The following SORL1 variants were observed in gnomAD, a reference collection of about 807,000 sequenced individuals.
SORL1 encodes the protein sortilin-related receptor.
A neutral mutation model predicts 273.7 loss-of-function variants in SORL1; 127 were observed. The ratio of observed to expected loss-of-function variants is 0.46; its 90% CI spans 0.40 to 0.54. SORL1 has a LOEUF of 0.54. SORL1 is among the 20% of genes least tolerant of loss of function. The pLI is 0.00. For synonymous variants in SORL1, 1,031 were observed against 1,067.4 expected, an observed-to-expected ratio of 0.97 and a Z score of 0.66; for missense variants, 2,494 against 2,846.1, an observed-to-expected ratio of 0.88 and a Z score of 2.81.
intron 8 of SORL1, 29 bp from the exon 9 acceptor site, chr11:121,520,628 G>T (rs1433940989): frequency 2.0e-6 from 3 of 1,470,646 alleles, no homozygotes; most frequent in Non-Finnish European, 2.8e-6. Flanking sequence ...ACCAATTCAG[G>T]TTCATAGCTG....
Position 121,629,520 on chromosome 11 carries a change from T to A in SORL1, c.6602T>A (p.Met2201Lys), listed in dbSNP as rs747619410. ...DLGEDDEDAP[M>K]ITGFSDDVPM... ...GGGGAAGATGATGAAGATGCCCCTA[T>A]GATAACTGGATTTTCAGATGACGTC... Residue 2201 changes from methionine to lysine, a missense_variant, in exon 48 of 48, where the codon ATG (methionine) becomes AAG (lysine). Transcript: ENST00000260197. The A allele has an allele frequency of 2.5e-6, 4 of 1,591,292 alleles. No homozygotes were observed. The African/African-American group carries it at 4.0e-5, about 16-fold the overall frequency.
intron 3 of SORL1, among the ~76,000 whole-genome samples, chr11:121,485,796 A>T (rs1444280960): frequency 6.6e-6 from 1 of 152,226 alleles, no homozygotes; most frequent in Admixed American, 6.5e-5. Flanking sequence ...TTAGGATCAT[A>T]ATTGTTTTTT....
intron 30 of SORL1, chr11:121,590,519 T>C (rs1039130862): frequency 5.8e-6 from 3 of 516,852 alleles, no homozygotes; most frequent in African/African-American, 5.7e-5. Context: ...AGAATCTGCA[T>C]GCTAATAAGC....
At chr11:121,621,486 C>T (rs1431875586) in intron 44 of SORL1, among the ~76,000 whole-genome samples, 1 of 152,170 alleles carries the variant, frequency 6.6e-6, no homozygotes, top group Non-Finnish European at 1.5e-5. Context: ...TTTAACTCCC[C>T]TCGCTGGTTT....
intron 8 of SORL1, 150 bp from the exon 9 acceptor site, chr11:121,520,507 C>A: frequency 2.0e-6 from 1 of 508,070 alleles, no homozygotes; most frequent in Non-Finnish European, 3.4e-6. Flanking sequence ...ATGAAATGTT[C>A]TGGAACTAGA....
intron 11 of SORL1, among the ~76,000 whole-genome samples, chr11:121,524,717 T>G (rs943107485): frequency 1.3e-5 from 2 of 152,136 alleles, no homozygotes; most frequent in African/African-American, 4.8e-5. Context: ...TTGTGCTTTT[T>G]TCTCTTTTTA....
At chr11:121,589,626 A>G (rs1334269090) in intron 29 of SORL1, among the ~76,000 whole-genome samples, 1 of 152,222 alleles carries the variant, frequency 6.6e-6, no homozygotes. Context: ...GGTTGGGAAG[A>G]CCACATTATG....
At chr11:121,485,580 A>T (rs1351184961) in intron 3 of SORL1, among the ~76,000 whole-genome samples, 2 of 152,240 alleles carry the variant, frequency 1.3e-5, no homozygotes, top group African/African-American at 4.8e-5. Context: ...AGCTATTACC[A>T]TGGACAATAA....
intron 14 of SORL1, among the ~76,000 whole-genome samples, chr11:121,549,176 TA>T (rs1344392792): frequency 1.2e-4 from 18 of 152,142 alleles, no homozygotes; most frequent in African/African-American, 4.3e-4. Flanking sequence ...CAGGGTGACT[TA>T]GCTAGTATGT....
chr11:121,532,252 T>C (rs1862212870), intron 11 of SORL1, among the ~76,000 whole-genome samples: 1 of 152,238 alleles, frequency 6.6e-6, no homozygotes, highest in African/African-American at 2.4e-5. Flanking sequence ...AAAATTGAGA[T>C]ACTAGAACTT....
intron 38 of SORL1, 170 bp downstream of exon 38, chr11:121,608,346 G>C (rs1591351344): frequency 1.7e-6 from 1 of 597,324 alleles, no homozygotes; most frequent in East Asian, 2.8e-5. Flanking sequence ...TTTAGATAGA[G>C]TCTTTTTGGG....
chr11:121,629,318 G>A, intron 47 of SORL1, 178 bp from the exon 48 acceptor site: 1 of 537,932 alleles, frequency 1.9e-6, no homozygotes, highest in Admixed American at 3.5e-5. Flanking sequence ...AGGTGGCCAG[G>A]AGGGACAGTG....
At chr11:121,462,728 G>A (rs1861020793) in intron 1 of SORL1, among the ~76,000 whole-genome samples, 1 of 152,124 alleles carries the variant, frequency 6.6e-6, no homozygotes, top group South Asian at 2.1e-4. Flanking sequence ...GGGACTACAG[G>A]CATGCGCCAC....
intron 33 of SORL1, among the ~76,000 whole-genome samples, chr11:121,604,730 G>C: frequency 6.6e-6 from 1 of 152,138 alleles, no homozygotes; most frequent in Non-Finnish European, 1.5e-5. Flanking sequence ...ATTGTCATAG[G>C]CAGGAGGAAG....
Position 121,611,120 on chromosome 11 carries a change from T to G in SORL1, c.5284T>G (p.Tyr1762Asp). The change falls in exon 39 of 48, where the codon TAT (tyrosine) becomes GAT (aspartate). Residue 1762 changes from tyrosine (Y) to aspartate (D), a missense_variant. By Grantham distance (160) the Tyr-to-Asp change is radical. Coordinates refer to ENST00000260197, the MANE Select transcript of SORL1 (RefSeq NM_003105.6). ...CCACATTGACAGCTATGGTGAAAAT[T>G]ATCTAAGCTTCACCCTGACCATGGA... ...DIHIDSYGEN[Y>D]LSFTLTMESD... The G allele has an allele frequency of 6.2e-7, 1 of 1,613,712 alleles. No homozygotes were observed. The highest frequency in any genetic ancestry group is 1.1e-5 in the South Asian group (1 of 91,062).
chr11:121,459,526 T>C (rs1356068768), intron 1 of SORL1, among the ~76,000 whole-genome samples: 1 of 152,142 alleles, frequency 6.6e-6, no homozygotes, highest in Non-Finnish European at 1.5e-5. Flanking sequence ...GGTGGTTGGC[T>C]CTAGGGCATG....
intron 5 of SORL1, among the ~76,000 whole-genome samples, chr11:121,490,897 A>G (rs1039323401): frequency 2.6e-5 from 4 of 152,228 alleles, no homozygotes; most frequent in African/African-American, 9.6e-5. Flanking sequence ...TCAGGTACGT[A>G]ACACACATTG....
chr11:121,530,007 A>C (rs912722353), intron 11 of SORL1, among the ~76,000 whole-genome samples: 1 of 152,136 alleles, frequency 6.6e-6, no homozygotes, highest in African/African-American at 2.4e-5. Flanking sequence ...TACAACATAC[A>C]TATCTAATCT....
chr11:121,583,468 C>T lies in SORL1; in HGVS notation c.3591C>T (p.His1197=). The T allele has an allele frequency of 1.2e-6, 2 of 1,612,218 alleles. No homozygotes were observed. The highest frequency in any genetic ancestry group is 1.7e-6 in the Non-Finnish European group (2 of 1,179,170). Reference sequence around the variant, plus strand: ...TCTTCTCTGTTACAGCCATCTATCACACCTGTGAGGCCTCCAACTTCCAGT... The same window carrying T: ...TCTTCTCTGTTACAGCCATCTATCATACCTGTGAGGCCTCCAACTTCCAGT... ...SDEANCTAIY[H]TCEASNFQCR... Residue 1197 remains histidine (H), a synonymous_variant, in exon 26 of 48, where the codon CAC becomes CAT. Coordinates refer to ENST00000260197, the MANE Select transcript of SORL1 (RefSeq NM_003105.6).
Sources: allele counts gnomAD v4.1 joint callset (sites outside exome capture counted in the v4.1 genomes callset), GRCh38; gene constraint gnomAD v4.1.1; transcripts MANE v1.5; gene names NCBI Gene and HGNC (gene_info 2026-07-23, HGNC 2026-07-21).